CNKSR3: variants seen among roughly 807,000 people sequenced by gnomAD.
The protein encoded by CNKSR3 is connector enhancer of kinase suppressor of ras 3.
CNKSR3 carries 36 observed loss-of-function variants against 67.7 expected under a neutral mutation model. The ratio of observed to expected loss-of-function variants is 0.53; its 90% CI spans 0.41 to 0.70. The LOEUF (loss-of-function observed/expected upper bound fraction) is 0.70. Among genes scored for constraint, CNKSR3 ranks in the 30% least tolerant of loss-of-function variants. The pLI is 0.00. For synonymous variants in CNKSR3, 281 were observed against 271.4 expected, an observed-to-expected ratio of 1.04 and a Z score of -0.35; for missense variants, 630 against 695.2, an observed-to-expected ratio of 0.91 and a Z score of 1.05.
intron 1 of CNKSR3, among the ~76,000 whole-genome samples, chr6:154,450,921 A>C (rs1368577342): frequency 6.6e-6 from 1 of 152,230 alleles, no homozygotes; most frequent in African/African-American, 2.4e-5. Context: ...TGCCCCCAAT[A>C]ATATCCTATA....
rs1052457681 is a variant in CNKSR3 at position 154,389,429 on chromosome 6, A to G, written c.*16925T>C. The G allele has an allele frequency of 6.6e-6, 1 of 152,246 alleles. No individual in the cohort carries two copies. The highest frequency in any genetic ancestry group is 2.1e-4 in the South Asian group (1 of 4,832). The allele number at this position is 152,246 out of a possible 1,614,324, so 9.4% of individuals were successfully genotyped here. A position where few individuals can be genotyped will look rare whatever the true frequency, so the allele number is the denominator to read the frequency against. On this transcript the variant is annotated 3_prime_UTR_variant, in exon 13 of 13. Transcript: ENST00000607772. ...ATGTGAATCTATTTCTGGACTCTCT[A>G]TTCTGTTCCATTCACATATATGTCT...
rs2128709974 is a variant in CNKSR3 at position 154,405,973 on chromosome 6, T to C, written c.*381A>G. ...TGGACCACAAACCAACACATCTGTG[T>C]GAAAACAGCCACCAATTTGAGTCCC... On this transcript the variant is annotated 3_prime_UTR_variant, in exon 13 of 13. Coordinates refer to ENST00000607772, the MANE Select transcript of CNKSR3 (RefSeq NM_173515.4). 5.6e-6 allele frequency: 1 copy of C among 178,724 alleles called. No homozygotes were observed. The highest frequency in any genetic ancestry group is 1.6e-4 in the South Asian group (1 of 6,094). The allele number at this position is 178,724 out of a possible 1,614,324, so 11.1% of individuals were successfully genotyped here.
intron 12 of CNKSR3, 73 bp downstream of exon 12, chr6:154,410,264 TAGAAAC>T: frequency 1.0e-6 from 1 of 961,160 alleles, no homozygotes; most frequent in Non-Finnish European, 1.7e-6. Flanking sequence ...ATAACACATT[TAGAAAC>T]AGAGGTGAAA....
chr6:154,509,221 C>G (rs1787162310), intron 1 of CNKSR3, among the ~76,000 whole-genome samples: 1 of 152,046 alleles, frequency 6.6e-6, no homozygotes. Flanking sequence ...AACTCTAGTA[C>G]CTTTCCCTCG....
In CNKSR3 at chr6:154,422,673, G is replaced by A. The variant is rs773892810; in HGVS notation, c.799-21C>T. The A allele has an allele frequency of 4.3e-6, 7 of 1,612,134 alleles. No homozygotes were observed. In the African/African-American group the frequency reaches 8.0e-5, roughly 18 times the overall value. On this transcript the variant is annotated intron_variant, in intron 8 of 12. Coordinates refer to ENST00000607772, the MANE Select transcript of CNKSR3 (RefSeq NM_173515.4). ...CCCACCTTCAAAGAAAGCAAATGGG[G>A]AGGGAAGACTTGCTCATGAATAACG...
rs1483373264 is a variant in CNKSR3, at chr6:154,405,316, T to C, written c.*1038A>G. On this transcript the variant is annotated 3_prime_UTR_variant, in exon 13 of 13. Transcript: ENST00000607772. Reference sequence around the variant, plus strand: ...CAGGTGACTAAGAGTAAGAAAAATATACAACTATATTTAAAATACTTAAAT... The same window carrying C: ...CAGGTGACTAAGAGTAAGAAAAATACACAACTATATTTAAAATACTTAAAT... The C allele has an allele frequency of 2.6e-5, 4 of 152,640 alleles. No homozygotes were observed. The highest frequency in any genetic ancestry group is 5.9e-5 in the Non-Finnish European group (4 of 68,036). 9.5% of individuals were successfully genotyped at this position (152,640 alleles called of 1,614,324 possible).
At chr6:154,480,980 T>G (rs1786554715) in intron 1 of CNKSR3, among the ~76,000 whole-genome samples, 1 of 152,230 alleles carries the variant, frequency 6.6e-6, no homozygotes, top group Non-Finnish European at 1.5e-5. Flanking sequence ...GCTTATTTAT[T>G]TATGCTTATT....
chr6:154,463,893 GGT>G (rs1338985129), intron 1 of CNKSR3, among the ~76,000 whole-genome samples: 2 of 152,118 alleles, frequency 1.3e-5, no homozygotes, highest in Non-Finnish European at 2.9e-5. Context: ...TACTTCTTAA[GGT>G]GCTGTGTTTT....
chr6:154,502,907 C>T (rs572801940), intron 1 of CNKSR3, among the ~76,000 whole-genome samples: 1 of 152,238 alleles, frequency 6.6e-6, no homozygotes, highest in South Asian at 2.1e-4. Context: ...AAAAGAGAGG[C>T]AGTGACACAG....
intron 9 of CNKSR3, among the ~76,000 whole-genome samples, chr6:154,415,835 T>C (rs914993220): frequency 3.9e-5 from 6 of 152,230 alleles, no homozygotes; most frequent in Non-Finnish European, 7.3e-5. Flanking sequence ...ATATCTCATG[T>C]GAGAACTTCA....
chr6:154,443,586 G>A (rs115804401), intron 2 of CNKSR3, among the ~76,000 whole-genome samples: 2,367 of 152,208 alleles, frequency 0.016, 25 homozygotes, highest in African/African-American at 0.022. Context: ...GCCCACTACC[G>A]TATTTCCAGC....
chr6:154,430,655 T>G, intron 5 of CNKSR3, 64 bp from the exon 6 acceptor site: 1 of 1,491,114 alleles, frequency 6.7e-7, no homozygotes, highest in Non-Finnish European at 9.1e-7. Context: ...CTCAAGCTGA[T>G]TTTTAGAGAA....
At position 154,422,901 on chromosome 6, in the gene CNKSR3, A is replaced by G; in HGVS notation, c.798+14T>C. 6.3e-7 allele frequency: 1 copy of G among 1,588,648 alleles called. No individual in the cohort carries two copies. Among genetic ancestry groups the G allele is most frequent in the Non-Finnish European group, 8.6e-7 (1 of 1,165,532 alleles). ...TTTTAAGGAGGAAAATTGAGCCTCA[A>G]TAAACAAACTCACCACAGTTTGCTG... On this transcript the variant is annotated intron_variant, in intron 8 of 12. Coordinates refer to ENST00000607772, the MANE Select transcript of CNKSR3 (RefSeq NM_173515.4).
intron 9 of CNKSR3, 83 bp downstream of exon 9, chr6:154,422,423 T>C: frequency 2.2e-6 from 3 of 1,384,918 alleles, no homozygotes; most frequent in Non-Finnish European, 3.0e-6. Flanking sequence ...ATCAATCACC[T>C]TCAAATTTTA....
chr6:154,453,775 G>A (rs1008514521), intron 1 of CNKSR3, among the ~76,000 whole-genome samples: 2 of 152,106 alleles, frequency 1.3e-5, no homozygotes, highest in African/African-American at 2.4e-5. Context: ...CTAGTAAACT[G>A]ATCTAACAGT....
At chr6:154,462,748 C>T (rs1786107205) in intron 1 of CNKSR3, among the ~76,000 whole-genome samples, 1 of 152,168 alleles carries the variant, frequency 6.6e-6, no homozygotes, top group South Asian at 2.1e-4. Flanking sequence ...CAGCTGGCCA[C>T]GGTATATGAA....
At chr6:154,462,275 C>A (rs1045160527) in intron 1 of CNKSR3, among the ~76,000 whole-genome samples, 6 of 144,588 alleles carry the variant, frequency 4.1e-5, no homozygotes, top group South Asian at 2.4e-4. Context: ...AAGTTCCCCC[C>A]ACCCTGTCAG....
At chr6:154,443,145 C>T (rs940419373) in intron 2 of CNKSR3, among the ~76,000 whole-genome samples, 4 of 152,092 alleles carry the variant, frequency 2.6e-5, no homozygotes, top group Non-Finnish European at 5.9e-5. Context: ...CACAATGCCC[C>T]CCTCGGCCTC....
chr6:154,510,207 C>G lies in CNKSR3; in HGVS notation c.-93G>C. Reference sequence around the variant, plus strand: ...GCCCCTTCCCGGGAGGGCGCGCCCGCGGCTGCTCCCCTGCGCCCGAGCGAC... The same window carrying G: ...GCCCCTTCCCGGGAGGGCGCGCCCGGGGCTGCTCCCCTGCGCCCGAGCGAC... On this transcript the variant is annotated 5_prime_UTR_variant, in exon 1 of 13. Transcript: ENST00000607772. 6.8e-7 allele frequency: 1 copy of G among 1,471,630 alleles called. No homozygotes were observed. The highest frequency in any genetic ancestry group is 1.2e-5 in the South Asian group (1 of 86,840). The allele number at this position is 1,471,630 out of a possible 1,614,324, so 91.2% of individuals were successfully genotyped here. A position where few individuals can be genotyped will look rare whatever the true frequency, so the allele number is the denominator to read the frequency against.
Sources: gnomAD v4.1 joint callset for allele counts (sites outside exome capture counted in the v4.1 genomes callset) on GRCh38, gnomAD v4.1.1 for gene constraint, MANE v1.5 for transcripts, NCBI Gene and HGNC (gene_info 2026-07-23, HGNC 2026-07-21) for gene names.